GUF1: variants seen among roughly 807,000 people sequenced by gnomAD.
GUF1 encodes the protein translation factor GUF1, mitochondrial.
A neutral mutation model predicts 82.4 loss-of-function variants in GUF1; 78 were observed. The observed-to-expected ratio is 0.95, with a 90% CI of 0.79 to 1.14. The LOEUF (loss-of-function observed/expected upper bound fraction) is 1.14, where lower values mean the gene tolerates loss of function less well. Among genes scored for constraint, GUF1 ranks in the 50% most tolerant of loss-of-function variants. The probability of loss-of-function intolerance (pLI) is 0.00; values close to 1 mark genes in which losing one functional copy is unlikely to be tolerated. For missense variants in GUF1, 814 were observed against 798.2 expected, an observed-to-expected ratio of 1.02 and a Z score of -0.24; for synonymous variants, 279 against 282.3, an observed-to-expected ratio of 0.99 and a Z score of 0.12.
rs754657849 is a variant in GUF1, at chr4:44,678,718, C to T, written c.96C>T (p.Ser32=). The change falls in exon 1 of 17, where the codon TCC becomes TCT. Residue 32 remains serine, a synonymous_variant. Transcript: ENST00000281543. ...AALLVAPGPR[S]APTLGAAPES... is the part of the protein sequence containing the mutation. ...TTCTGGTGGCCCCGGGGCCCCGGTC[C>T]GCGCCGACCCTTGGGGCTGCTCCAG... is the stretch of plus-strand genomic sequence containing the variant. 5 of 1,514,986 alleles carry T rather than the reference C, an allele frequency of 3.3e-6. No individual in the cohort carries two copies. In the African/African-American group the frequency reaches 4.4e-5, roughly 13 times the overall value. The allele number at this position is 1,514,986 out of a possible 1,614,324, so 93.8% of individuals were successfully genotyped here.
chr4:44,697,815 C>T (rs1201812874), intron 16 of GUF1, among the ~76,000 whole-genome samples: 2 of 152,140 alleles, frequency 1.3e-5, no homozygotes, highest in East Asian at 3.9e-4. Flanking sequence ...CCTCTCCTGA[C>T]ATTGTTTTGC....
chr4:44,695,593 C>T (rs1221030928), intron 14 of GUF1, 22 bp from the exon 15 acceptor site: 3 of 1,589,650 alleles, frequency 1.9e-6, no homozygotes, highest in Non-Finnish European at 2.6e-6. Flanking sequence ...GATATATAAA[C>T]AGTTGTATTT....
intron 3 of GUF1, 80 bp downstream of exon 3, chr4:44,680,922 T>C (rs1302305015): frequency 9.3e-6 from 12 of 1,284,050 alleles, no homozygotes; most frequent in Non-Finnish European, 1.3e-5. Context: ...GTTTAATTTT[T>C]GAACTGAGTA....
At chr4:44,690,040 T>C (rs1715335961) in intron 11 of GUF1, 65 bp downstream of exon 11, 1 of 1,292,102 alleles carries the variant, frequency 7.7e-7, no homozygotes. Flanking sequence ...AAAATAAATG[T>C]GTGTATATAC....
At position 44,700,465 on chromosome 4, in the gene GUF1, C is replaced by T. The variant is rs1388445914; in HGVS notation, c.*1784C>T. 6.6e-6 allele frequency: 1 copy of T among 152,294 alleles called. No individual in the cohort carries two copies. The highest frequency in any genetic ancestry group is 1.5e-5 in the Non-Finnish European group (1 of 68,132). 9.4% of individuals were successfully genotyped at this position (152,294 alleles called of 1,614,324 possible). On this transcript the variant is annotated 3_prime_UTR_variant, in exon 17 of 17. Transcript: ENST00000281543. ...CTCAAAAAAATGCAACCCTTTCTCT[C>T]TTACCTGCCTATGCTTGAAGCCCCC... is the stretch of plus-strand genomic sequence containing the variant.
chr4:44,681,761 G>C (rs960524252), intron 4 of GUF1, among the ~76,000 whole-genome samples: 3 of 151,962 alleles, frequency 2.0e-5, no homozygotes, highest in Non-Finnish European at 2.9e-5. Context: ...TTTAGTGGTG[G>C]TGGTGACCGT....
At chr4:44,684,281 C>T (rs746898981) in intron 6 of GUF1, among the ~76,000 whole-genome samples, 4 of 151,950 alleles carry the variant, frequency 2.6e-5, no homozygotes, top group Non-Finnish European at 5.9e-5. Context: ...TTAGCAAAAG[C>T]GTCTCTGATA....
intron 15 of GUF1, 130 bp downstream of exon 15, chr4:44,695,864 C>A: frequency 1.2e-6 from 1 of 868,092 alleles, no homozygotes; most frequent in Non-Finnish European, 1.7e-6. Flanking sequence ...TATGATGGTG[C>A]TCTCCAGTTT....
chr4:44,683,339 G>A, intron 6 of GUF1, 21 bp downstream of exon 6: 1 of 1,380,542 alleles, frequency 7.2e-7, no homozygotes. Flanking sequence ...TTCCTAAAAA[G>A]ATTATACTTT....
chr4:44,693,869 A>G (rs1236949628), intron 13 of GUF1: 3 of 154,962 alleles, frequency 1.9e-5, no homozygotes, highest in Non-Finnish European at 4.3e-5. Flanking sequence ...GCATTGCTCT[A>G]ATTGGTTTAC....
chr4:44,681,100 G>T lies in GUF1; in HGVS notation c.427-23G>T, dbSNP rs369480755. On this transcript the variant is annotated intron_variant, in intron 3 of 16. Transcript: ENST00000281543. The stretch of plus-strand genomic sequence containing the variant: ...CTAAAAAATTAACTCACATTTACAG[G>T]TATCAATATTTTTGTTTCTCAGGGC... 1.0e-5 allele frequency: 16 copies of T among 1,575,494 alleles called. No homozygotes were observed. In the African/African-American group the frequency reaches 2.0e-4, roughly 20 times the overall value.
At chr4:44,683,957 A>G (rs1228180308) in intron 6 of GUF1, among the ~76,000 whole-genome samples, 1 of 152,136 alleles carries the variant, frequency 6.6e-6, no homozygotes, top group East Asian at 1.9e-4. Flanking sequence ...CAAGTTATAT[A>G]TGGTTTTATA....
Position 44,695,642 on chromosome 4 carries a change from C to T in GUF1, c.1743C>T (p.Ala581=). 1 of 1,612,972 alleles carries T rather than the reference C, an allele frequency of 6.2e-7. No homozygotes were observed. Among genetic ancestry groups the T allele is most frequent in the Middle Eastern group, 1.7e-4 (1 of 6,052 alleles). Residue 581 remains alanine (A), a synonymous_variant, in exon 15 of 17, where the codon GCC becomes GCT. Coordinates refer to ENST00000281543, the MANE Select transcript of GUF1 (RefSeq NM_021927.3). ...ACAAAGCTCATTCAATTGGCAAAGC[C>T]ATATGTGAACGGCTGAAGGATTCTC... ...HKDKAHSIGK[A]ICERLKDSLP... is the part of the protein sequence containing the mutation.
At chr4:44,695,950 A>G (rs1292355964) in intron 15 of GUF1, among the ~76,000 whole-genome samples, 1 of 152,134 alleles carries the variant, frequency 6.6e-6, no homozygotes, top group Non-Finnish European at 1.5e-5. Flanking sequence ...AGTTAGTATA[A>G]CGTATACGAG....
At position 44,683,077 on chromosome 4, in the gene GUF1, A is replaced by G. The variant is rs1204170048; in HGVS notation, c.586-158A>G. Among the ~76,000 whole-genome samples the G allele has an allele frequency of 2.6e-5, 4 of 152,158 alleles. No homozygotes were observed. In the South Asian group the frequency reaches 8.3e-4, roughly 32 times the overall value. ...TTTTCAATCATGGTTATTAAATTAT[A>G]CTGCTAATATATAGATTATTTTACT... On this transcript the variant is annotated intron_variant, in intron 5 of 16. Transcript: ENST00000281543.
At chr4:44,689,220 C>T (rs1426480723) in intron 9 of GUF1, 66 bp from the exon 10 acceptor site, 1 of 1,373,562 alleles carries the variant, frequency 7.3e-7, no homozygotes, top group Admixed American at 2.6e-5. Context: ...GGCAGCACTA[C>T]ACATGTGGTT....
At chr4:44,688,425 G>T (rs1025862692) in intron 9 of GUF1, among the ~76,000 whole-genome samples, 1 of 151,704 alleles carries the variant, frequency 6.6e-6, no homozygotes, top group African/African-American at 2.4e-5. Flanking sequence ...TTTTTCTAGG[G>T]AGTTCATTAT....
At chr4:44,680,385 C>T (rs992037829) in intron 1 of GUF1, 56 bp from the exon 2 acceptor site, 9 of 720,228 alleles carry the variant, frequency 1.2e-5, no homozygotes, top group Non-Finnish European at 1.9e-5. Flanking sequence ...AATTGGTATA[C>T]TTGTTTGATA....
chr4:44,686,402 T>C, intron 7 of GUF1, 108 bp from the exon 8 acceptor site: 1 of 607,348 alleles, frequency 1.6e-6, no homozygotes, highest in Non-Finnish European at 2.7e-6. Flanking sequence ...GGCTGTTGTG[T>C]ATCAAACTTT....
Sources: gnomAD v4.1 joint callset for allele counts (sites outside exome capture counted in the v4.1 genomes callset) on GRCh38, gnomAD v4.1.1 for gene constraint, MANE v1.5 for transcripts, NCBI Gene and HGNC (gene_info 2026-07-23, HGNC 2026-07-21) for gene names.